Variants in LGI2 observed in about 807,000 individuals in gnomAD.
LGI2 encodes leucine-rich repeat LGI family member 2.
A neutral mutation model predicts 52.0 loss-of-function variants in LGI2; 30 were observed. The observed-to-expected ratio is 0.58, with a 90% CI of 0.43 to 0.78. The LOEUF (loss-of-function observed/expected upper bound fraction) is 0.78. Among genes scored for constraint, LGI2 ranks in the 30% least tolerant of loss-of-function variants. The probability of loss-of-function intolerance (pLI) is 0.00; values close to 1 mark genes in which losing one functional copy is unlikely to be tolerated. For synonymous variants in LGI2, 270 were observed against 271.8 expected, an observed-to-expected ratio of 0.99 and a Z score of 0.06; for missense variants, 573 against 692.5, an observed-to-expected ratio of 0.83 and a Z score of 1.94.
At chr4:25,009,360 T>G (rs1469280227) in intron 7 of LGI2, among the ~76,000 whole-genome samples, 5 of 152,240 alleles carry the variant, frequency 3.3e-5, no homozygotes, top group Non-Finnish European at 5.9e-5. Context: ...CCCCTCTCCA[T>G]GCGAACCAAT....
At chr4:25,007,003 CT>C (rs548126980) in intron 7 of LGI2, among the ~76,000 whole-genome samples, 188 of 149,692 alleles carry the variant, frequency 1.3e-3, no homozygotes, top group African/African-American at 4.7e-3. Context: ...TTCAAGTATT[CT>C]TTTTTTAAAA....
chr4:25,030,378 A>G, intron 1 of LGI2, 119 bp downstream of exon 1: 2 of 1,098,988 alleles, frequency 1.8e-6, no homozygotes, highest in Non-Finnish European at 2.6e-6. Flanking sequence ...CACAAAGGCA[A>G]AGAAGGGGCC....
rs1254469321 is a variant in LGI2, at chr4:25,004,047, C to A, written c.1042G>T (p.Ala348Ser). The A allele has an allele frequency of 2.5e-6, 4 of 1,614,176 alleles. No homozygotes were observed. Among genetic ancestry groups the A allele is most frequent in the Admixed American group, 1.7e-5 (1 of 60,020 alleles). Residue 348 changes from alanine to serine, a missense_variant, in exon 8 of 8, where the codon GCT becomes TCT. By Grantham distance (99) the Ala-to-Ser change is moderately conservative. Coordinates refer to ENST00000382114, the MANE Select transcript of LGI2 (RefSeq NM_018176.4). The surrounding 1 kb of genome is among the most constrained non-coding windows in gnomAD (Gnocchi z 4.6). ...TFFVIADSSK[A>S]GLSTVYKWNS... The stretch of plus-strand genomic sequence containing the variant: ...CATTTATAAACTGTGGACAGACCAG[C>A]CTTTGAGCTGTCTGCGATGACAAAG...
At chr4:25,018,707 C>T (rs1037112350) in intron 5 of LGI2, among the ~76,000 whole-genome samples, 2 of 151,944 alleles carry the variant, frequency 1.3e-5, no homozygotes, top group African/African-American at 4.8e-5. Context: ...ACTAAAAATA[C>T]AAAAATTAGC....
intron 4 of LGI2, among the ~76,000 whole-genome samples, chr4:25,023,540 T>C (rs1330981670): frequency 1.3e-5 from 2 of 152,240 alleles, no homozygotes; most frequent in African/African-American, 4.8e-5. Flanking sequence ...TTGCTTGGCC[T>C]ATTGACAACC....
At position 24,999,803 on chromosome 4, in the gene LGI2, A is replaced by G. The variant is rs1347378202; in HGVS notation, c.*3648T>C. 3 of 456,058 alleles carry G rather than the reference A, an allele frequency of 6.6e-6. No homozygotes were observed. The highest frequency in any genetic ancestry group is 4.6e-5 in the South Asian group (3 of 64,534). The allele number at this position is 456,058 out of a possible 1,614,324, so 28.3% of individuals were successfully genotyped here. On this transcript the variant is annotated 3_prime_UTR_variant, in exon 8 of 8. Coordinates refer to ENST00000382114, the MANE Select transcript of LGI2 (RefSeq NM_018176.4). ...GGGGAAGAAAAAATGCAACTCTGCC[A>G]TTTCCAGTGTGCTTCCTGAAGGCTG...
downstream of LGI2, among the ~76,000 whole-genome samples, chr4:24,996,917 T>A (rs929785636): frequency 6.6e-6 from 1 of 152,210 alleles, no homozygotes; most frequent in African/African-American, 2.4e-5. Context: ...GGGGCCCACA[T>A]AGAGATTCCA....
intron 4 of LGI2, among the ~76,000 whole-genome samples, chr4:25,021,529 T>C (rs867396975): frequency 6.6e-6 from 1 of 152,206 alleles, no homozygotes; most frequent in African/African-American, 2.4e-5. Context: ...GTATCTTCTC[T>C]TTTCTTAGAG....
intron 7 of LGI2, among the ~76,000 whole-genome samples, chr4:25,011,159 G>C (rs1007349821): frequency 6.6e-6 from 1 of 151,974 alleles, no homozygotes; most frequent in Non-Finnish European, 1.5e-5. Context: ...TACCAGAGAG[G>C]AGGAGAAAAG....
At chr4:24,995,387 A>G (rs1235945857), downstream of LGI2, among the ~76,000 whole-genome samples, 1 of 152,232 alleles carries the variant, frequency 6.6e-6, no homozygotes, top group South Asian at 2.1e-4. Flanking sequence ...GTTTCCATGA[A>G]TCAGGAATCC....
At chr4:25,007,578 A>AGT (rs3066687) in intron 7 of LGI2, among the ~76,000 whole-genome samples, 8,275 of 142,126 alleles carry the variant, frequency 0.058, 271 homozygotes, top group Non-Finnish European at 0.077. Context: ...CAGACAGATC[A>AGT]GTGTGTGTGT....
At chr4:25,029,485 C>CG (rs939172476) in intron 1 of LGI2, among the ~76,000 whole-genome samples, 1 of 152,208 alleles carries the variant, frequency 6.6e-6, no homozygotes, top group Non-Finnish European at 1.5e-5. Context: ...AACGTCACCC[C>CG]GGGGATTCCC....
chr4:25,027,094 C>T (rs1726176724), intron 2 of LGI2, among the ~76,000 whole-genome samples, 155 bp from the exon 3 acceptor site: 1 of 152,214 alleles, frequency 6.6e-6, no homozygotes, highest in Non-Finnish European at 1.5e-5. Flanking sequence ...ACCTGATTCT[C>T]ACAGCCTGCT....
rs1269912265 is a variant in LGI2 at position 25,007,731 on chromosome 4, G to C, written c.821-3463C>G. Among the ~76,000 whole-genome samples the C allele has an allele frequency of 3.3e-5, 5 of 152,290 alleles. No individual in the cohort carries two copies. The East Asian group carries it at 9.6e-4, about 29-fold the overall frequency. On this transcript the variant is annotated intron_variant, in intron 7 of 7. Transcript: ENST00000382114. ...CCAAGATGAGACGTAGAGAGAACAA[G>C]GGGAAGTGAACCTCAGGGTGAACAT...
Position 25,026,850 on chromosome 4 carries a change from A to G in LGI2, c.341+18T>C, listed in dbSNP as rs34396934. The G allele has an allele frequency of 0.087, 137,934 of 1,589,346 alleles. 6,974 individuals carry two copies. Among genetic ancestry groups the G allele is most frequent in the African/African-American group, 0.22 (16,444 of 74,362 alleles). ...AAGATACCGAATGTTCAGCAAATAG[A>G]CAAAGCACAAAACTTACAGGTATTC... On this transcript the variant is annotated intron_variant, in intron 3 of 7. Coordinates refer to ENST00000382114, the MANE Select transcript of LGI2 (RefSeq NM_018176.4).
At chr4:25,021,945 A>C (rs1725976692) in intron 4 of LGI2, among the ~76,000 whole-genome samples, 4 of 151,692 alleles carry the variant, frequency 2.6e-5, no homozygotes. Context: ...AAAAAAAAAA[A>C]AAAACAAAGC....
the LGI2 span, among the ~76,000 whole-genome samples, chr4:24,992,590 G>A: frequency 1.3e-5 from 2 of 152,176 alleles, no homozygotes; most frequent in South Asian, 2.1e-4. Context: ...AAAAATAGCT[G>A]GAGAATCGCT....
At chr4:24,995,024 A>T (rs903658691), downstream of LGI2, among the ~76,000 whole-genome samples, 5 of 152,160 alleles carry the variant, frequency 3.3e-5, no homozygotes, top group African/African-American at 1.2e-4. Flanking sequence ...TGCCTTCAAG[A>T]AATCTCCCTG....
At position 25,030,627 on chromosome 4, in the gene LGI2, G is replaced by A. The variant is rs776715064; in HGVS notation, c.67C>T (p.Leu23=). Residue 23 remains leucine, a synonymous_variant, in exon 1 of 8, where the codon CTG becomes TTG. Coordinates refer to ENST00000382114, the MANE Select transcript of LGI2 (RefSeq NM_018176.4). The part of the protein sequence containing the change: ...LLLLLLGAAC[L]IPRSAQVRRL... Reference sequence around the variant, plus strand: ...CTCACCTGCGCGCTCCGCGGTATCAGGCACGCGGCGCCCAGCAGCAGCAGC... The same window carrying A: ...CTCACCTGCGCGCTCCGCGGTATCAAGCACGCGGCGCCCAGCAGCAGCAGC... 1 of 1,551,492 alleles carries A rather than the reference G, an allele frequency of 6.4e-7. No individual in the cohort carries two copies. The highest frequency in any genetic ancestry group is 8.7e-7 in the Non-Finnish European group (1 of 1,149,078).
Sources: gnomAD v4.1 joint callset for allele counts (sites outside exome capture counted in the v4.1 genomes callset) on GRCh38, gnomAD v4.1.1 for gene constraint, Gnocchi (gnomAD v3.1) non-coding constraint, MANE v1.5 for transcripts, NCBI Gene and HGNC (gene_info 2026-07-23, HGNC 2026-07-21) for gene names.